Variants in WBP11 observed in about 807,000 individuals in gnomAD.
WBP11 encodes the protein WW domain-binding protein 11.
WBP11 carries 12 observed loss-of-function variants against 66.7 expected under a neutral mutation model. That is an observed-to-expected ratio of 0.18 (90% CI 0.12 to 0.29). The LOEUF is 0.29. Among genes scored for constraint, WBP11 ranks in the 10% least tolerant of loss-of-function variants. The pLI, the probability that WBP11 is intolerant of heterozygous loss-of-function variation, is 1.00. For missense variants in WBP11, 555 were observed against 818.3 expected (o/e 0.68, Z 3.93); for synonymous variants, 255 against 273.8 (o/e 0.93, Z 0.68).
chr12:14,788,870 T>C lies in WBP11; in HGVS notation c.1492+81A>G, dbSNP rs548875692. On this transcript the variant is annotated intron_variant, in intron 11 of 11. Transcript: ENST00000261167. ...TGTAAGATGACCTCAGATTTCAGAA[T>C]ACTGAAATGTGACCATATGTCTTAG... 5.7e-4 allele frequency: 437 copies of C among 766,872 alleles called. 4 individuals are homozygous for C. In the African/African-American group the frequency reaches 7.4e-3, roughly 13 times the overall value. The allele number at this position is 766,872 out of a possible 1,614,324, so 47.5% of individuals were successfully genotyped here. A position where few individuals can be genotyped will look rare whatever the true frequency, so the allele number is the denominator to read the frequency against.
chr12:14,787,580 G>A, intron 11 of WBP11, 82 bp from the exon 12 acceptor site: 1 of 1,272,704 alleles, frequency 7.9e-7, no homozygotes, highest in Non-Finnish European at 1.0e-6. Flanking sequence ...AATATTGGTT[G>A]CCAATTTTTA....
chr12:14,790,494 G>T lies in WBP11; in HGVS notation c.1271C>A (p.Pro424His). The part of the protein sequence containing the change: ...GPPPAPPLRP[P>H]GPPTGLPPGP... Reference sequence around the variant, plus strand: ...AGGAGGAAGGCCTGTAGGTGGCCCAGGAGGCCGTAATGGTGGAGCAGGTGG... The same window carrying T: ...AGGAGGAAGGCCTGTAGGTGGCCCATGAGGCCGTAATGGTGGAGCAGGTGG... The change falls in exon 10 of 12, where the codon CCT becomes CAT. Residue 424 changes from proline to histidine, a missense_variant. By Grantham distance (77) the Pro-to-His change is moderately conservative (BLOSUM62 -2). Transcript: ENST00000261167. 6.2e-7 allele frequency: 1 copy of T among 1,614,030 alleles called. No homozygotes were observed. Among genetic ancestry groups the T allele is most frequent in the Non-Finnish European group, 8.5e-7 (1 of 1,179,870 alleles).
chr12:14,797,269 C>T (rs1949904455), intron 4 of WBP11, among the ~76,000 whole-genome samples: 1 of 152,138 alleles, frequency 6.6e-6, no homozygotes, highest in African/African-American at 2.4e-5. Context: ...TTTCACTGCT[C>T]TGTGCTGAAA....
Position 14,796,882 on chromosome 12 carries a change from G to C in WBP11, c.312C>G (p.Tyr104Ter). 6.2e-7 allele frequency: 1 copy of C among 1,611,800 alleles called. No individual in the cohort carries two copies. Among genetic ancestry groups the C allele is most frequent in the Non-Finnish European group, 8.5e-7 (1 of 1,179,210 alleles). Residue 104 changes from tyrosine (Y) to a stop codon, truncating the protein, a stop_gained, in exon 5 of 12, where the codon TAC becomes TAG. Transcript: ENST00000261167. LOFTEE classifies it high-confidence loss of function. This position sits in a 1 kb window ranked among gnomAD's most constrained non-coding sequence, Gnocchi z 4.5. ...RLYEKENPDIYKELRKLEVEY... is the reference protein window; with the variant it reads ...RLYEKENPDI ...CTACTTCTAGCTTTCTCAATTCTTT[G>C]TAAATATCTGGATTCTCTTTTTCAT...
rs1258873729 is a variant in WBP11 at position 14,790,691 on chromosome 12, T to C, written c.1074A>G (p.Glu358=). Residue 358 remains glutamate, a synonymous_variant, in exon 10 of 12, where the codon GAA becomes GAG. Transcript: ENST00000261167. ...CTGCTTCAGAGTCATCAGAATCATC[T>C]TCATCATCGTCCTCTGAAAATTCCT... ...EVEEFSEDDD[E]DDSDDSEAEK... 1 of 1,614,206 alleles carries C rather than the reference T, an allele frequency of 6.2e-7. No homozygotes were observed. Among genetic ancestry groups the C allele is most frequent in the Middle Eastern group, 1.6e-4 (1 of 6,062 alleles).
intron 7 of WBP11, 106 bp downstream of exon 7, chr12:14,794,431 T>C (rs756071678): frequency 1.1e-5 from 14 of 1,222,192 alleles, no homozygotes; most frequent in Non-Finnish European, 1.6e-5. Context: ...ATGTACATGA[T>C]ACCCTCTCAT....
At chr12:14,791,368 C>T (rs142874474) in intron 8 of WBP11, 98 bp from the exon 9 acceptor site, 2 of 914,688 alleles carry the variant, frequency 2.2e-6, no homozygotes, top group Admixed American at 2.3e-5. Context: ...TGATTGCTAC[C>T]CACTACTTGG....
rs1592216813 is a variant in WBP11 at position 14,790,745 on chromosome 12, T to C, written c.1020A>G (p.Gln340=). 1.2e-6 allele frequency: 2 copies of C among 1,611,060 alleles called. No homozygotes were observed. The highest frequency in any genetic ancestry group is 3.4e-5 in the Admixed American group (2 of 59,642). The stretch of plus-strand genomic sequence containing the variant: ...CTTCCCGTCCCTCCTCAGGGATTTC[T>C]TGACCTGAAAGAAATTTTAAACCCA... ...LQAMMLRMAG[Q]EIPEEGREVE... The change falls in exon 10 of 12, where the codon CAA becomes CAG. Residue 340 remains glutamine, a synonymous_variant. Transcript: ENST00000261167.
At position 14,796,957 on chromosome 12, in the gene WBP11, T is replaced by C. The variant is rs369969074; in HGVS notation, c.237A>G (p.Lys79=). 5.0e-6 allele frequency: 8 copies of C among 1,607,744 alleles called. No homozygotes were observed. Among genetic ancestry groups the C allele is most frequent in the Admixed American group, 1.7e-5 (1 of 58,098 alleles). Residue 79 remains lysine (K), a synonymous_variant, in exon 5 of 12, where the codon AAA becomes AAG. Transcript: ENST00000261167. The surrounding 1 kb of genome is among the most constrained non-coding windows in gnomAD (Gnocchi z 4.5). ...QQPQLNEKVL[K]DKRKKLRETF... ...TTTCACGCAGCTTTTTACGCTTGTC[T>C]TTCAGTACTTTCTCATTTAATTGTG...
Position 14,794,308 on chromosome 12 carries a change from G to A in WBP11, c.721+229C>T, listed in dbSNP as rs191687542. Among the ~76,000 whole-genome samples, 139 of 152,258 alleles carry A rather than the reference G, an allele frequency of 9.1e-4. 1 individual carries two copies. Among genetic ancestry groups the A allele is most frequent in the African/African-American group, 3.2e-3 (132 of 41,550 alleles). ...AAGTCTTAAAGGATTAGCAGCAAGA[G>A]TGACATCTCCAGGAAAAGCCTAATT... On this transcript the variant is annotated intron_variant, in intron 7 of 11. Transcript: ENST00000261167.
At chr12:14,794,815 A>T in intron 6 of WBP11, 79 bp from the exon 7 acceptor site, 1 of 1,536,606 alleles carries the variant, frequency 6.5e-7, no homozygotes, top group South Asian at 1.3e-5. Flanking sequence ...TTTCTCTTCT[A>T]AACAATTTTC....
intron 3 of WBP11, among the ~76,000 whole-genome samples, chr12:14,799,981 CACAT>C (rs1419618341): frequency 6.6e-6 from 1 of 152,124 alleles, no homozygotes; most frequent in African/African-American, 2.4e-5. Context: ...TACTTAAACA[CACAT>C]ACACTTTAAA....
In WBP11 at chr12:14,791,289, G is replaced by T. The variant is rs1158234663; in HGVS notation, c.914-19C>A. 1 of 1,608,580 alleles carries T rather than the reference G, an allele frequency of 6.2e-7. No homozygotes were observed. Among genetic ancestry groups the T allele is most frequent in the Non-Finnish European group, 8.5e-7 (1 of 1,175,252 alleles). On this transcript the variant is annotated intron_variant, in intron 8 of 11. Coordinates refer to ENST00000261167, the MANE Select transcript of WBP11 (RefSeq NM_016312.3). The stretch of plus-strand genomic sequence containing the variant: ...CTCAGACCTAAGGGGACAAAGGAGG[G>T]AGTGGAGTAGATTGGCATCAACAAA...
intron 1 of WBP11, among the ~76,000 whole-genome samples, chr12:14,802,743 G>A (rs1949981001): frequency 6.6e-6 from 1 of 152,076 alleles, no homozygotes; most frequent in South Asian, 2.1e-4. Flanking sequence ...GGTAGGGAAG[G>A]AGGAAAACAA....
Position 14,788,919 on chromosome 12 carries a change from TAA to T in WBP11, c.1492+30_1492+31del, listed in dbSNP as rs1949787812. On this transcript the variant is annotated intron_variant, in intron 11 of 11. Coordinates refer to ENST00000261167, the MANE Select transcript of WBP11 (RefSeq NM_016312.3). ...AGAGCAAATTAAATAAACAGCAGGC[TAA>T]GTTTTTATTATAGAAATTGAAAGCA... 10 of 1,269,978 alleles carry T rather than the reference TAA, an allele frequency of 7.9e-6. No individual in the cohort carries two copies. The African/African-American group carries it at 9.4e-5, about 12-fold the overall frequency. The allele number at this position is 1,269,978 out of a possible 1,614,324, so 78.7% of individuals were successfully genotyped here.
In WBP11 at chr12:14,794,621, G is replaced by A. The variant is rs980034363; in HGVS notation, c.637C>T (p.Gln213Ter). The change falls in exon 7 of 12, where the codon CAG becomes TAG. Residue 213 changes from glutamine to a stop codon, truncating the protein, a stop_gained. Coordinates refer to ENST00000261167, the MANE Select transcript of WBP11 (RefSeq NM_016312.3). LOFTEE classifies it high-confidence loss of function. ...PPGPPPPQVV[Q>*]MYGRKVGFAL... ...AAACCCACTTTACGGCCATACATCT[G>A]CACGACTTGAGGAGGAGGTGGACCA... 2.5e-6 allele frequency: 4 copies of A among 1,614,038 alleles called. No homozygotes were observed. In the South Asian group the frequency reaches 4.4e-5, roughly 18 times the overall value.
At chr12:14,797,464 T>C (rs925281043) in intron 4 of WBP11, among the ~76,000 whole-genome samples, 5 of 152,342 alleles carry the variant, frequency 3.3e-5, no homozygotes, top group African/African-American at 4.8e-5. Context: ...TATCCAGTGG[T>C]GTTTGACTCA....
chr12:14,795,191 T>G, intron 5 of WBP11, 87 bp from the exon 6 acceptor site: 1 of 1,376,958 alleles, frequency 7.3e-7, no homozygotes, highest in Non-Finnish European at 9.5e-7. Flanking sequence ...TTTCGTAACT[T>G]GGACATGCTT....
In WBP11 at chr12:14,789,052, G is replaced by C; in HGVS notation, c.1391C>G (p.Pro464Arg). Residue 464 changes from proline to arginine, a missense_variant, in exon 11 of 12, where the codon CCA (proline) becomes CGA (arginine). Around this residue, in one of 6 missense-constraint regions of WBP11, gnomAD observed 230 missense variants for 286.3 expected, o/e 0.80. Transcript: ENST00000261167. ...TGGGGGAGGGCCAGGGGGTCGGCCT[G>C]GTGGTGGTCCTGGAGGTAAAAGTCG... is the stretch of plus-strand genomic sequence containing the variant. ...LPRLLPPGPPPGRPPGPPPGP... is the reference protein window; with the variant it reads ...LPRLLPPGPPRGRPPGPPPGP... The C allele has an allele frequency of 6.6e-7, 1 of 1,514,158 alleles. No homozygotes were observed. 93.8% of individuals were successfully genotyped at this position (1,514,158 alleles called of 1,614,324 possible).
Sources: gnomAD v4.1 joint callset for allele counts (sites outside exome capture counted in the v4.1 genomes callset) on GRCh38, gnomAD v4.1.1 for gene constraint, gnomAD v4.1.1 regional missense constraint, Gnocchi (gnomAD v3.1) non-coding constraint, MANE v1.5 for transcripts, NCBI Gene and HGNC (gene_info 2026-07-23, HGNC 2026-07-21) for gene names.